The following TPRG1 variants were observed in gnomAD, a reference collection of about 807,000 sequenced individuals.
TPRG1 encodes tumor protein p63-regulated gene 1 protein.
TPRG1 carries 29 observed loss-of-function variants against 29.3 expected under a neutral mutation model. The ratio of observed to expected loss-of-function variants is 0.99; its 90% CI spans 0.74 to 1.35. The LOEUF (loss-of-function observed/expected upper bound fraction) is 1.35, where lower values mean the gene tolerates loss of function less well. TPRG1 is among the 40% of genes most tolerant of loss of function. The pLI, the probability that TPRG1 is intolerant of heterozygous loss-of-function variation, is 0.00. For synonymous variants in TPRG1, 130 were observed against 116.8 expected, an observed-to-expected ratio of 1.11 and a Z score of -0.73; for missense variants, 327 against 335.0, an observed-to-expected ratio of 0.98 and a Z score of 0.19.
At chr3:189,197,216 G>A (rs1026806669) in intron 1 of TPRG1, among the ~76,000 whole-genome samples, 3 of 152,164 alleles carry the variant, frequency 2.0e-5, no homozygotes, top group African/African-American at 7.2e-5. Context: ...AATAACAAAG[G>A]CTACTGCAGG....
In TPRG1 at chr3:189,197,680, T is replaced by A. The variant is rs529377026; in HGVS notation, c.-9-9696T>A. Among the ~76,000 whole-genome samples the A allele has an allele frequency of 7.2e-5, 11 of 152,362 alleles. No individual in the cohort carries two copies. The South Asian group carries it at 2.3e-3, about 32-fold the overall frequency. On this transcript the variant is annotated intron_variant, in intron 1 of 5. Coordinates refer to ENST00000345063, the MANE Select transcript of TPRG1 (RefSeq NM_198485.4). Reference sequence around the variant, plus strand: ...TATATTAATAGCTAGCTATAGAATTTATCCCTGTAGGGGAATTTCAATATT... The same window carrying A: ...TATATTAATAGCTAGCTATAGAATTAATCCCTGTAGGGGAATTTCAATATT...
chr3:189,066,346 CCAGA>C (rs1283496074), intron 4 of TPRG1, among the ~76,000 whole-genome samples: 2 of 152,018 alleles, frequency 1.3e-5, no homozygotes, highest in East Asian at 1.9e-4. Context: ...GATACCCAAA[CCAGA>C]CAAAGAACAT....
At chr3:189,193,746 C>A (rs1456961246) in intron 1 of TPRG1, among the ~76,000 whole-genome samples, 1 of 150,894 alleles carries the variant, frequency 6.6e-6, no homozygotes, top group Non-Finnish European at 1.5e-5. Flanking sequence ...TGCGGGATTT[C>A]TGTTTGCTGC....
intron 4 of TPRG1, among the ~76,000 whole-genome samples, chr3:189,086,363 T>C (rs1013059459): frequency 1.5e-4 from 23 of 151,780 alleles, no homozygotes; most frequent in Admixed American, 5.2e-4. Flanking sequence ...ATTTTTTTTT[T>C]TTTTTGAGAT....
In TPRG1 at chr3:189,000,050, T is replaced by TA. The variant is rs575021850; in HGVS notation, c.-1015-722dup. ...TTGGATACTATAATAAAAAAGAAAA[T>TA]AACACATTTACAAATTTGGTAGAAA... On this transcript the variant is annotated intron_variant, in intron 1 of 10. Coordinates refer to the TPRG1 transcript ENST00000433971. Among the ~76,000 whole-genome samples, 138 of 152,224 alleles carry TA rather than the reference T, an allele frequency of 9.1e-4. 2 individuals are homozygous for TA. In the East Asian group the frequency reaches 0.025, roughly 27 times the overall value.
intron 4 of TPRG1, among the ~76,000 whole-genome samples, chr3:189,288,121 T>C (rs998235499): frequency 6.6e-6 from 1 of 152,080 alleles, no homozygotes; most frequent in Admixed American, 6.5e-5. Flanking sequence ...GTTGTGTGTG[T>C]GTGGTTGTGT....
At chr3:189,187,562 C>G (rs1731116326) in intron 1 of TPRG1, among the ~76,000 whole-genome samples, 1 of 152,076 alleles carries the variant, frequency 6.6e-6, no homozygotes, top group Non-Finnish European at 1.5e-5. Context: ...CGTGATCCAC[C>G]TGCCTCGGCC....
At chr3:189,044,205 C>T (rs1714813882) in intron 4 of TPRG1, among the ~76,000 whole-genome samples, 1 of 151,876 alleles carries the variant, frequency 6.6e-6, no homozygotes, top group African/African-American at 2.4e-5. Context: ...AAGAGACAAG[C>T]TAAGTATCAC....
chr3:189,315,452 AC>A, intron 5 of TPRG1: 1 of 448,518 alleles, frequency 2.2e-6, no homozygotes, highest in Non-Finnish European at 4.5e-6. Flanking sequence ...TTATAGCCTT[AC>A]CTTTTCTTTT....
At chr3:189,042,242 CT>C (rs1714683254) in intron 4 of TPRG1, among the ~76,000 whole-genome samples, 2 of 151,980 alleles carry the variant, frequency 1.3e-5, no homozygotes, top group Non-Finnish European at 1.5e-5. Context: ...CCTTAACGTC[CT>C]TTTTTGAACT....
At chr3:189,156,999 T>G (rs1264490022) in intron 5 of TPRG1, among the ~76,000 whole-genome samples, 1 of 152,088 alleles carries the variant, frequency 6.6e-6, no homozygotes, top group African/African-American at 2.4e-5. Context: ...GTGACAAAAG[T>G]CATACTATTG....
In TPRG1 at chr3:189,172,052, A is replaced by C. The variant is rs1383592492; in HGVS notation, c.-89A>C. On this transcript the variant is annotated 5_prime_UTR_variant, in exon 1 of 6. Transcript: ENST00000345063. Reference sequence around the variant, plus strand: ...GCCTGGCTTTATCTGAGCCAATCACACCTCTCCTGGCCACTATCTGTGGTC... The same window carrying C: ...GCCTGGCTTTATCTGAGCCAATCACCCCTCTCCTGGCCACTATCTGTGGTC... The C allele has an allele frequency of 6.6e-6, 1 of 152,076 alleles. No individual in the cohort carries two copies. The highest frequency in any genetic ancestry group is 2.4e-5 in the African/African-American group (1 of 41,376). The allele number at this position is 152,076 out of a possible 1,614,324, so 9.4% of individuals were successfully genotyped here. A position where few individuals can be genotyped will look rare whatever the true frequency, so the allele number is the denominator to read the frequency against.
At position 189,124,540 on chromosome 3, in the gene TPRG1, TTGTG is replaced by T. The variant is rs139080058; in HGVS notation, c.-743-2503_-743-2500del. Among the ~76,000 whole-genome samples the T allele has an allele frequency of 4.2e-3, 629 of 150,068 alleles. 3 individuals carry two copies. The highest frequency in any genetic ancestry group is 0.019 in the South Asian group (91 of 4,734). Reference sequence around the variant, plus strand: ...ACATTTTTTTTAAGAACAAAGGACTTTGTGTGTGTGTGTGTGTATATATATATAC... The same window carrying T: ...ACATTTTTTTTAAGAACAAAGGACTTTGTGTGTGTGTGTATATATATATAC... On this transcript the variant is annotated intron_variant, in intron 1 of 6. Transcript: ENST00000412373.
chr3:189,006,209 A>C (rs1712279540), intron 3 of TPRG1, among the ~76,000 whole-genome samples: 1 of 152,100 alleles, frequency 6.6e-6, no homozygotes, highest in Non-Finnish European at 1.5e-5. Context: ...GGCTGGGTTC[A>C]AGTCTAGATT....
chr3:189,267,877 G>C (rs1714393215), intron 4 of TPRG1, among the ~76,000 whole-genome samples: 1 of 152,178 alleles, frequency 6.6e-6, no homozygotes, highest in Admixed American at 6.5e-5. Context: ...TAAATGATTA[G>C]AACAGGGAGC....
chr3:189,217,139 G>A (rs929511566), intron 3 of TPRG1, among the ~76,000 whole-genome samples: 1 of 152,138 alleles, frequency 6.6e-6, no homozygotes, highest in South Asian at 2.1e-4. Flanking sequence ...GACATAAATT[G>A]TCCAAAACTA....
intron 5 of TPRG1, among the ~76,000 whole-genome samples, chr3:189,312,117 G>GTTTCTTTCTTTC (rs71169040): frequency 2.9e-4 from 18 of 61,376 alleles, no homozygotes; most frequent in East Asian, 6.4e-4. Flanking sequence ...TTCTTTCTTT[G>GTTTCTTTCTTTC]TTTCTTTCTT....
chr3:189,302,271 CG>C (rs1281120901), intron 4 of TPRG1, among the ~76,000 whole-genome samples: 1 of 152,084 alleles, frequency 6.6e-6, no homozygotes, highest in African/African-American at 2.4e-5. Context: ...TCAGTAAAGA[CG>C]TATTGAATGA....
chr3:189,128,004 C>A (rs917813681), intron 2 of TPRG1, among the ~76,000 whole-genome samples: 6 of 152,154 alleles, frequency 3.9e-5, no homozygotes, highest in African/African-American at 7.2e-5. Flanking sequence ...CTACCAGGAC[C>A]ATCTTATAGG....
Sources: gnomAD v4.1 joint callset for allele counts (sites outside exome capture counted in the v4.1 genomes callset) on GRCh38, gnomAD v4.1.1 for gene constraint, MANE v1.5 for transcripts, NCBI Gene and HGNC (gene_info 2026-07-23, HGNC 2026-07-21) for gene names.